FIP1L1: variants seen among roughly 807,000 people sequenced by gnomAD.
FIP1L1 encodes the protein factor interacting with PAPOLA and CPSF1, also known as pre-mRNA 3'-end-processing factor FIP1.
A neutral mutation model predicts 84.6 loss-of-function variants in FIP1L1; 21 were observed. The observed-to-expected ratio is 0.25, with a 90% CI of 0.18 to 0.36. The LOEUF is 0.36. FIP1L1 is among the 10% of genes least tolerant of loss of function. The pLI, the probability that FIP1L1 is intolerant of heterozygous loss-of-function variation, is 1.00. For missense variants in FIP1L1, 526 were observed against 751.1 expected, an observed-to-expected ratio of 0.70 and a Z score of 3.50; for synonymous variants, 263 against 242.3, an observed-to-expected ratio of 1.09 and a Z score of -0.80.
intron 11 of FIP1L1, among the ~76,000 whole-genome samples, chr4:53,420,676 G>A (rs1762059609): frequency 6.6e-6 from 1 of 152,068 alleles, no homozygotes; most frequent in African/African-American, 2.4e-5. Flanking sequence ...ATATACTGTA[G>A]AGAAAATTAT....
intron 13 of FIP1L1, among the ~76,000 whole-genome samples, chr4:53,437,165 A>C (rs1438829130): frequency 6.6e-6 from 1 of 151,866 alleles, no homozygotes; most frequent in Non-Finnish European, 1.5e-5. Context: ...TGTCTCCACA[A>C]AAAATGCAAA....
chr4:53,428,207 A>C, intron 13 of FIP1L1, 24 bp downstream of exon 13: 1 of 1,503,710 alleles, frequency 6.7e-7, no homozygotes, highest in South Asian at 1.4e-5. Flanking sequence ...AAGACATTTG[A>C]CTTTGAAAGA....
At chr4:53,399,951 T>C in intron 10 of FIP1L1, 112 bp downstream of exon 10, 1 of 687,208 alleles carries the variant, frequency 1.5e-6, no homozygotes, top group South Asian at 2.4e-5. Context: ...ACTGGAACAT[T>C]TTACTTTGGT....
chr4:53,416,203 A>T (rs1051037742), intron 11 of FIP1L1, among the ~76,000 whole-genome samples: 3 of 152,248 alleles, frequency 2.0e-5, no homozygotes, highest in African/African-American at 7.2e-5. Context: ...GCATAGAGAA[A>T]CACTTGGGTT....
At chr4:53,402,199 G>A (rs1229701904) in intron 10 of FIP1L1, among the ~76,000 whole-genome samples, 1 of 152,178 alleles carries the variant, frequency 6.6e-6, no homozygotes, top group Non-Finnish European at 1.5e-5. Context: ...GGTCATTGGT[G>A]ATCCTGACCA....
intron 15 of FIP1L1, among the ~76,000 whole-genome samples, chr4:53,445,257 G>C (rs1773697016): frequency 6.6e-6 from 1 of 152,162 alleles, no homozygotes. Flanking sequence ...ATTCTGGCTA[G>C]TTACGATGAG....
At chr4:53,385,921 A>G (rs2149322896) in intron 5 of FIP1L1, among the ~76,000 whole-genome samples, 1 of 152,316 alleles carries the variant, frequency 6.6e-6, no homozygotes, top group Admixed American at 6.5e-5. Context: ...CAGTGAGAAA[A>G]TGAAATTTGA....
At chr4:53,414,952 C>T (rs1217751511) in intron 11 of FIP1L1, among the ~76,000 whole-genome samples, 2 of 151,928 alleles carry the variant, frequency 1.3e-5, no homozygotes, top group African/African-American at 2.4e-5. Context: ...TATATTGAAC[C>T]GTGCTAATGG....
chr4:53,453,160 C>T, intron 16 of FIP1L1, 27 bp downstream of exon 16: 4 of 1,608,828 alleles, frequency 2.5e-6, no homozygotes, highest in Non-Finnish European at 3.4e-6. Flanking sequence ...GGAGTTTATA[C>T]TATGTATTTT....
intron 4 of FIP1L1, among the ~76,000 whole-genome samples, chr4:53,383,338 G>A (rs2081657795): frequency 2.0e-5 from 3 of 152,112 alleles, no homozygotes; most frequent in Non-Finnish European, 4.4e-5. Flanking sequence ...AGCATTATAA[G>A]CTTGTAACTT....
chr4:53,448,051 A>G (rs1266378263), intron 15 of FIP1L1, among the ~76,000 whole-genome samples: 1 of 152,016 alleles, frequency 6.6e-6, no homozygotes, highest in Non-Finnish European at 1.5e-5. Context: ...TACACATTTT[A>G]GTGGGGTTCA....
At chr4:53,422,373 C>CTTTTTTTT (rs1762725099) in intron 11 of FIP1L1, among the ~76,000 whole-genome samples, 1 of 151,684 alleles carries the variant, frequency 6.6e-6, no homozygotes, top group Non-Finnish European at 1.5e-5. Context: ...GTACTTCTTA[C>CTTTTTTTT]TGTGTTTTGT....
chr4:53,421,287 G>A (rs1014577028), intron 11 of FIP1L1, among the ~76,000 whole-genome samples: 1 of 152,094 alleles, frequency 6.6e-6, no homozygotes, highest in African/African-American at 2.4e-5. Context: ...CTGCCTCTTT[G>A]AATGTCTTTT....
intron 10 of FIP1L1, among the ~76,000 whole-genome samples, chr4:53,400,529 C>G (rs956014916): frequency 2.6e-5 from 4 of 152,114 alleles, no homozygotes; most frequent in Non-Finnish European, 4.4e-5. Flanking sequence ...AATTAATAAC[C>G]CAACTATTAC....
chr4:53,386,694 A>G (rs1027890943), intron 5 of FIP1L1, among the ~76,000 whole-genome samples: 2 of 152,154 alleles, frequency 1.3e-5, no homozygotes, highest in African/African-American at 2.4e-5. Flanking sequence ...GAGGAAGTAC[A>G]TGGCTGGAGG....
At chr4:53,388,679 G>T (rs531519058) in intron 5 of FIP1L1, among the ~76,000 whole-genome samples, 24 of 152,204 alleles carry the variant, frequency 1.6e-4, no homozygotes, top group Non-Finnish European at 2.4e-4. Flanking sequence ...GTCCTTCTTT[G>T]CCCATTCCCG....
chr4:53,380,240 C>T (rs1578072145), intron 3 of FIP1L1, among the ~76,000 whole-genome samples: 2 of 152,174 alleles, frequency 1.3e-5, no homozygotes, highest in East Asian at 3.8e-4. Context: ...GCAGCTGCAT[C>T]AACTGATGAA....
At chr4:53,414,569 G>A (rs1400347897) in intron 10 of FIP1L1, 46 bp from the exon 11 acceptor site, 1 of 1,346,504 alleles carries the variant, frequency 7.4e-7, no homozygotes, top group Non-Finnish European at 1.0e-6. Context: ...AGGGGGGTCA[G>A]AGACAACAAT....
At chr4:53,378,829 C>CAGG in intron 1 of FIP1L1, 1 of 512,778 alleles carries the variant, frequency 2.0e-6, no homozygotes, top group South Asian at 2.7e-5. Flanking sequence ...GGGCACCATG[C>CAGG]AGGTCCTTGA....
Sources: allele counts gnomAD v4.1 joint callset (sites outside exome capture counted in the v4.1 genomes callset), GRCh38; gene constraint gnomAD v4.1.1; transcripts MANE v1.5; gene names NCBI Gene and HGNC (gene_info 2026-07-23, HGNC 2026-07-21).